The following RP1L1 variants were observed in gnomAD, a reference collection of about 807,000 sequenced individuals.
RP1L1 encodes the protein retinitis pigmentosa 1-like 1 protein.
A neutral mutation model predicts 15.7 loss-of-function variants in RP1L1; 27 were observed. The observed-to-expected ratio is 1.72, with a 90% CI of 1.27 to 2.38. RP1L1 has a LOEUF of 2.38. Ranked by LOEUF, RP1L1 falls within the 30% of genes most tolerant of loss-of-function variation. RP1L1 has a pLI of 0.00. For synonymous variants in RP1L1, 1,813 were observed against 1,276.7 expected (o/e 1.42, Z -8.96); for missense variants, 4,798 against 3,075.9 (o/e 1.56, Z -13.24).
chr8:10,624,320 A>C (rs1483837314), intron 1 of RP1L1, among the ~76,000 whole-genome samples: 1 of 152,286 alleles, frequency 6.6e-6, no homozygotes, highest in East Asian at 1.9e-4. Context: ...CCAATGTGAC[A>C]AACAGACACG....
At position 10,611,198 on chromosome 8, in the gene RP1L1, T is replaced by C; in HGVS notation, c.2900A>G (p.Glu967Gly). ...CAACTCATATGTCATGAGTATGGGCTCTTCTGGAATGTTGTCCAGCCATTC... is the reference window on the plus strand; with the variant it reads ...CAACTCATATGTCATGAGTATGGGCCCTTCTGGAATGTTGTCCAGCCATTC... The part of the protein sequence containing the change: ...VREWLDNIPE[E>G]PILMTYELAD... Residue 967 changes from glutamate (E) to glycine (G), a missense_variant, in exon 4 of 4, where the codon GAG (glutamate) becomes GGG (glycine). By Grantham distance (98) the Glu-to-Gly change is moderately conservative (BLOSUM62 -2). Coordinates refer to ENST00000382483, the MANE Select transcript of RP1L1 (RefSeq NM_178857.6). 1 of 1,612,964 alleles carries C rather than the reference T, an allele frequency of 6.2e-7. No homozygotes were observed. The highest frequency in any genetic ancestry group is 8.5e-7 in the Non-Finnish European group (1 of 1,180,018).
At chr8:10,640,944 T>C (rs1489548368) in intron 1 of RP1L1, among the ~76,000 whole-genome samples, 4 of 152,150 alleles carry the variant, frequency 2.6e-5, no homozygotes, top group Admixed American at 2.6e-4. Flanking sequence ...CTAATTTTTG[T>C]ATTTTTTGTA....
rs1797865577 is a variant in RP1L1 at position 10,611,932 on chromosome 8, G to C, written c.2166C>G (p.Pro722=). 1 of 1,613,898 alleles carries C rather than the reference G, an allele frequency of 6.2e-7. No individual in the cohort carries two copies. Among genetic ancestry groups the C allele is most frequent in the Admixed American group, 1.7e-5 (1 of 60,034 alleles). The change falls in exon 4 of 4, where the codon CCC becomes CCG. Residue 722 remains proline, a synonymous_variant. Coordinates refer to ENST00000382483, the MANE Select transcript of RP1L1 (RefSeq NM_178857.6). ...CCTGGGAAGGAAGAGAGCCCGAGGAGGGAGGTCTCAGGTTCCCAGAGGCCT... is the reference window on the plus strand; with the variant it reads ...CCTGGGAAGGAAGAGAGCCCGAGGACGGAGGTCTCAGGTTCCCAGAGGCCT... The part of the protein sequence containing the change: ...RTQASGNLRP[P]SSGSLPSQDL...
chr8:10,612,523 G>C lies in RP1L1; in HGVS notation c.1575C>G (p.Ala525=). 6.2e-7 allele frequency: 1 copy of C among 1,610,916 alleles called. No individual in the cohort carries two copies. The highest frequency in any genetic ancestry group is 8.5e-7 in the Non-Finnish European group (1 of 1,179,528). ...PEQGGRLTPR[A]RSEEGASSDS... ...CCGAAGAAGCCCCCTCCTCACTCCG[G>C]GCCCTCGGTGTCAGGCGGCCGCCTT... Residue 525 remains alanine (A), a synonymous_variant, in exon 4 of 4, where the codon GCC becomes GCG. Transcript: ENST00000382483.
chr8:10,650,911 C>G (rs138876596), intron 1 of RP1L1, among the ~76,000 whole-genome samples: 1 of 152,324 alleles, frequency 6.6e-6, no homozygotes, highest in Admixed American at 6.5e-5. Context: ...TTATGTAGAA[C>G]ATCTTACTTA....
chr8:10,640,971 G>A lies in RP1L1; in HGVS notation c.-20+13927C>T, dbSNP rs573247885. Among the ~76,000 whole-genome samples the A allele has an allele frequency of 7.2e-5, 11 of 152,214 alleles. No individual in the cohort carries two copies. In the South Asian group the frequency reaches 8.3e-4, roughly 11 times the overall value. ...TTTTTTGTAGAGAGGAGGTTTTTCC[G>A]TGTTGCACAGGCAGGTTGCAAACTC... On this transcript the variant is annotated intron_variant, in intron 1 of 3. Coordinates refer to ENST00000382483, the MANE Select transcript of RP1L1 (RefSeq NM_178857.6).
In RP1L1 at chr8:10,609,076, G is replaced by C; in HGVS notation, c.5022C>G (p.Ala1674=). ...RKKVSPMSPK[A]TMGATRGPIK... is the part of the protein sequence containing the mutation. Reference sequence around the variant, plus strand: ...TGGGACCTCTGGTTGCCCCCATTGTGGCCTTGGGGGACATAGGGCTCACTT... The same window carrying C: ...TGGGACCTCTGGTTGCCCCCATTGTCGCCTTGGGGGACATAGGGCTCACTT... Residue 1674 remains alanine (A), a synonymous_variant, in exon 4 of 4, where the codon GCC becomes GCG. Transcript: ENST00000382483. 1 of 1,613,794 alleles carries C rather than the reference G, an allele frequency of 6.2e-7. No individual in the cohort carries two copies.
intron 1 of RP1L1, among the ~76,000 whole-genome samples, chr8:10,631,804 A>G (rs995213553): frequency 2.6e-5 from 4 of 152,170 alleles, no homozygotes; most frequent in African/African-American, 9.7e-5. Context: ...ACCAAGGGCG[A>G]TGGGTCCTGG....
chr8:10,643,586 G>GA (rs962022833), intron 1 of RP1L1, among the ~76,000 whole-genome samples: 16 of 151,024 alleles, frequency 1.1e-4, no homozygotes, highest in South Asian at 2.1e-4. Context: ...TACTGGAAAA[G>GA]AAAAAAAAAT....
chr8:10,646,015 A>G (rs7386213), intron 1 of RP1L1, among the ~76,000 whole-genome samples: 62,814 of 152,082 alleles, frequency 0.41, 14,543 homozygotes, highest in East Asian at 0.91. Flanking sequence ...GGGCAGACTG[A>G]GCCTCCCGCT....
At chr8:10,632,805 G>A (rs919679959) in intron 1 of RP1L1, among the ~76,000 whole-genome samples, 2 of 152,230 alleles carry the variant, frequency 1.3e-5, no homozygotes, top group Non-Finnish European at 2.9e-5. Context: ...ACGAGGTCAA[G>A]ATGAGGAGTT....
At chr8:10,617,481 A>C (rs1314936379) in intron 2 of RP1L1, among the ~76,000 whole-genome samples, 2 of 146,774 alleles carry the variant, frequency 1.4e-5, no homozygotes, top group Non-Finnish European at 3.0e-5. Context: ...TCTGTTGTGC[A>C]CCAGATCTTT....
chr8:10,624,983 C>T (rs1055968955), intron 1 of RP1L1, among the ~76,000 whole-genome samples: 1 of 152,066 alleles, frequency 6.6e-6, no homozygotes, highest in African/African-American at 2.4e-5. Flanking sequence ...GGTTGGGAGC[C>T]GAGGCTCCTG....
In RP1L1 at chr8:10,609,626, G is replaced by A. The variant is rs201076580; in HGVS notation, c.4472C>T (p.Thr1491Met). The part of the protein sequence containing the change: ...PGATMMGQEH[T>M]QAQPTQGAAE... ...AGCCCCCTGGGTGGGTTGGGCCTGCGTGTGCTCTTGGCCCATCATGGTGGC... is the reference window on the plus strand; with the variant it reads ...AGCCCCCTGGGTGGGTTGGGCCTGCATGTGCTCTTGGCCCATCATGGTGGC... Residue 1491 changes from threonine (T) to methionine (M), a missense_variant, in exon 4 of 4, where the codon ACG becomes ATG. Physicochemically the swap from Thr to Met is moderately conservative, Grantham distance 81 (BLOSUM62 -1). Coordinates refer to ENST00000382483, the MANE Select transcript of RP1L1 (RefSeq NM_178857.6). 45 of 1,607,794 alleles carry A rather than the reference G, an allele frequency of 2.8e-5. No homozygotes were observed. The highest frequency in any genetic ancestry group is 2.1e-4 in the South Asian group (19 of 91,074).
chr8:10,625,621 C>A (rs1426322754), intron 1 of RP1L1, among the ~76,000 whole-genome samples: 1 of 152,170 alleles, frequency 6.6e-6, no homozygotes, highest in Non-Finnish European at 1.5e-5. Context: ...GCCCCCCAAC[C>A]CACCTCCCAC....
intron 1 of RP1L1, among the ~76,000 whole-genome samples, chr8:10,628,186 A>G (rs1298890169): frequency 1.3e-5 from 2 of 152,218 alleles, no homozygotes; most frequent in Non-Finnish European, 2.9e-5. Flanking sequence ...TGTCTGAGCC[A>G]TAAACAAAGA....
In RP1L1 at chr8:10,612,968, G is replaced by C; in HGVS notation, c.1130C>G (p.Ser377Ter). ...CVWEGYPWGFSEPGVWGPRPC... is the reference protein window; with the variant it reads ...CVWEGYPWGF ...CCGGGGTCCCCACACCCCAGGCTCTGAGAAGCCCCAAGGGTAGCCCTCCCA... is the reference window on the plus strand; with the variant it reads ...CCGGGGTCCCCACACCCCAGGCTCTCAGAAGCCCCAAGGGTAGCCCTCCCA... Residue 377 changes from serine (S) to a stop codon, truncating the protein, a stop_gained, in exon 4 of 4, where the codon TCA becomes TGA. Coordinates refer to ENST00000382483, the MANE Select transcript of RP1L1 (RefSeq NM_178857.6). LOFTEE classifies it low-confidence loss of function (END_TRUNC). The C allele has an allele frequency of 6.2e-7, 1 of 1,613,128 alleles. No homozygotes were observed. The highest frequency in any genetic ancestry group is 8.5e-7 in the Non-Finnish European group (1 of 1,179,926).
At position 10,609,809 on chromosome 8, in the gene RP1L1, T is replaced by A. The variant is rs1797795357; in HGVS notation, c.4289A>T (p.Glu1430Val). 1 of 1,614,038 alleles carries A rather than the reference T, an allele frequency of 6.2e-7. No homozygotes were observed. Among genetic ancestry groups the A allele is most frequent in the Admixed American group, 1.7e-5 (1 of 60,020 alleles). The stretch of plus-strand genomic sequence containing the variant: ...AGAGGCAGAGGCTCTTCCTGCTTCC[T>A]CCTCCTGGACTGGGTCATCTTCCTG... Reference protein sequence around the residue: ...GSQEDDPVQEEEAGRASASAE... With the variant: ...GSQEDDPVQEVEAGRASASAE... The change falls in exon 4 of 4, where the codon GAG becomes GTG. Residue 1430 changes from glutamate (E) to valine (V), a missense_variant. Transcript: ENST00000382483.
intron 1 of RP1L1, among the ~76,000 whole-genome samples, chr8:10,631,312 C>T (rs1470112917): frequency 1.2e-5 from 1 of 82,040 alleles, no homozygotes; most frequent in Non-Finnish European, 3.1e-5. Flanking sequence ...CATGCACACA[C>T]ACGCACACAC....
Sources: gnomAD v4.1 joint callset for allele counts (sites outside exome capture counted in the v4.1 genomes callset) on GRCh38, gnomAD v4.1.1 for gene constraint, MANE v1.5 for transcripts, NCBI Gene and HGNC (gene_info 2026-07-23, HGNC 2026-07-21) for gene names.